Variants in CDCA4 observed in about 807,000 individuals in gnomAD.
The protein encoded by CDCA4 is cell division cycle-associated protein 4.
For synonymous variants in CDCA4, 130 were observed against 137.0 expected (o/e 0.95, Z 0.36); for missense variants, 294 against 322.1 (o/e 0.91, Z 0.67).
intron 1 of CDCA4, among the ~76,000 whole-genome samples, chr14:105,019,658 A>C (rs911549294): frequency 2.0e-5 from 3 of 152,222 alleles, no homozygotes; most frequent in African/African-American, 4.8e-5. Flanking sequence ...CTTCCACTAC[A>C]AGTCTCCTGG....
chr14:105,012,937 G>T (rs889136033), intron 1 of CDCA4, among the ~76,000 whole-genome samples: 1 of 152,066 alleles, frequency 6.6e-6, no homozygotes, highest in Non-Finnish European at 1.5e-5. Flanking sequence ...GTATGTGTGT[G>T]TCCGGGGCAG....
At chr14:105,017,987 GAC>G (rs1174517990) in intron 1 of CDCA4, among the ~76,000 whole-genome samples, 1 of 152,074 alleles carries the variant, frequency 6.6e-6, no homozygotes, top group Non-Finnish European at 1.5e-5. Context: ...AAAGCAGCAA[GAC>G]ACACACAAAA....
At chr14:105,015,456 T>C (rs895773731) in intron 1 of CDCA4, among the ~76,000 whole-genome samples, 1 of 152,262 alleles carries the variant, frequency 6.6e-6, no homozygotes, top group Admixed American at 6.5e-5. Flanking sequence ...TTACCTTCAG[T>C]AACGGGCCAG....
In CDCA4 at chr14:105,009,778, G is replaced by A. The variant is rs532954014; in HGVS notation, c.*1426C>T. The A allele has an allele frequency of 7.6e-5, 2 of 26,294 alleles. No individual in the cohort carries two copies. The highest frequency in any genetic ancestry group is 3.9e-4 in the Non-Finnish European group (2 of 5,108). 1.6% of individuals were successfully genotyped at this position (26,294 alleles called of 1,614,324 possible). A position where few individuals can be genotyped will look rare whatever the true frequency, so the allele number is the denominator to read the frequency against. On this transcript the variant is annotated 3_prime_UTR_variant, in exon 2 of 2. Transcript: ENST00000336219. ...AAAGAATTTGCTCTGCAACCCTGTG[G>A]GGGGGGGAAATAAAAGTAACCCAGC...
chr14:105,019,148 C>T (rs1336173925), intron 1 of CDCA4, among the ~76,000 whole-genome samples: 2 of 152,282 alleles, frequency 1.3e-5, no homozygotes, highest in South Asian at 2.1e-4. Flanking sequence ...CCAGCACTGC[C>T]CTCAGGCTTC....
Position 105,009,907 on chromosome 14 carries a change from C to T in CDCA4, c.*1297G>A, listed in dbSNP as rs1183676356. ...GCAGAAAGGTTGCTGGAGGGTCAGG[C>T]CGTGGTCGTAACTAACACCACATTC... On this transcript the variant is annotated 3_prime_UTR_variant, in exon 2 of 2. Transcript: ENST00000336219. 1.3e-5 allele frequency: 2 copies of T among 152,164 alleles called. No individual in the cohort carries two copies. The highest frequency in any genetic ancestry group is 2.9e-5 in the Non-Finnish European group (2 of 68,048). The allele number at this position is 152,164 out of a possible 1,614,324, so 9.4% of individuals were successfully genotyped here.
rs1213845262 is a variant in CDCA4 at position 105,009,623 on chromosome 14, T to C, written c.*1581A>G. 6.6e-6 allele frequency: 1 copy of C among 152,206 alleles called. No homozygotes were observed. Among genetic ancestry groups the C allele is most frequent in the Non-Finnish European group, 1.5e-5 (1 of 68,036 alleles). 9.4% of individuals were successfully genotyped at this position (152,206 alleles called of 1,614,324 possible). ...ATAAAAATGCTATACAGAAACAAAA[T>C]AGTGCTTTAGATTTATTCCTATAAA... is the stretch of plus-strand genomic sequence containing the variant. On this transcript the variant is annotated 3_prime_UTR_variant, in exon 2 of 2. Transcript: ENST00000336219.
At position 105,011,263 on chromosome 14, in the gene CDCA4, T is replaced by C; in HGVS notation, c.667A>G (p.Ser223Gly). 1 of 1,613,618 alleles carries C rather than the reference T, an allele frequency of 6.2e-7. No individual in the cohort carries two copies. Residue 223 changes from serine (S) to glycine (G), a missense_variant, in exon 2 of 2, where the codon AGC becomes GGC. Ser to Gly is a moderately conservative substitution (Grantham distance 56, BLOSUM62 0). Coordinates refer to ENST00000336219, the MANE Select transcript of CDCA4 (RefSeq NM_017955.4). ...AGCTCGCCCAGGTCGGACTTGCAGC[T>C]GGAGCTAGGGCCTGGGGTGGCCGGA... ...LAPATPGPSS[S>G]CKSDLGELDH...
At chr14:105,018,099 T>C (rs1439316019) in intron 1 of CDCA4, among the ~76,000 whole-genome samples, 1 of 151,722 alleles carries the variant, frequency 6.6e-6, no homozygotes, top group East Asian at 2.0e-4. Flanking sequence ...GGGTGGGAAA[T>C]GCTACAAGGG....
chr14:105,012,575 A>G (rs1900536135), intron 1 of CDCA4, among the ~76,000 whole-genome samples: 1 of 152,238 alleles, frequency 6.6e-6, no homozygotes, highest in South Asian at 2.1e-4. Context: ...GAAGGACTGC[A>G]GGGCTGTATG....
At chr14:105,017,657 C>T (rs1245254048) in intron 1 of CDCA4, among the ~76,000 whole-genome samples, 1 of 151,902 alleles carries the variant, frequency 6.6e-6, no homozygotes, top group Non-Finnish European at 1.5e-5. Flanking sequence ...CGATGAAACC[C>T]CATCTCTACT....
At chr14:105,019,032 G>C (rs1442668265) in intron 1 of CDCA4, among the ~76,000 whole-genome samples, 1 of 152,032 alleles carries the variant, frequency 6.6e-6, no homozygotes, top group African/African-American at 2.4e-5. Flanking sequence ...CACCATGCCT[G>C]GCCCCCTGCT....
In CDCA4 at chr14:105,011,814, T is replaced by G; in HGVS notation, c.116A>C (p.Asp39Ala). Residue 39 changes from aspartate (D) to alanine (A), a missense_variant, in exon 2 of 2, where the codon GAC becomes GCC. Physicochemically the swap from Asp to Ala is moderately radical, Grantham distance 126 (BLOSUM62 -2). Transcript: ENST00000336219. ...AAGCTGCAACTTCACCAGAGACATG[T>G]CCAGGAGCGACTGCCGCTGCAGGCT... is the stretch of plus-strand genomic sequence containing the variant. ...SYSLQRQSLLDMSLVKLQLCH... is the reference protein window; with the variant it reads ...SYSLQRQSLLAMSLVKLQLCH... The G allele has an allele frequency of 6.2e-7, 1 of 1,613,804 alleles. No homozygotes were observed.
At position 105,018,548 on chromosome 14, in the gene CDCA4, T is replaced by C. The variant is rs185421450; in HGVS notation, c.-7+2451A>G. ...GTGAGGATCACCCTGAATTGGGTTA[T>C]ATCTGTGTTTGGGACAAAGTCAGCA... On this transcript the variant is annotated intron_variant, in intron 1 of 1. Transcript: ENST00000336219. 6.6e-5 allele frequency among the ~76,000 whole-genome samples: 10 copies of C among 152,208 alleles called. No individual in the cohort carries two copies. In the East Asian group the frequency reaches 1.9e-3, roughly 30 times the overall value.
chr14:105,018,675 T>C (rs1886146435), intron 1 of CDCA4, among the ~76,000 whole-genome samples: 1 of 151,656 alleles, frequency 6.6e-6, no homozygotes, highest in Non-Finnish European at 1.5e-5. Context: ...CTCCTTCTAA[T>C]ATGGAATGAG....
intron 1 of CDCA4, among the ~76,000 whole-genome samples, chr14:105,014,981 G>C (rs1900605612): frequency 6.6e-6 from 1 of 152,086 alleles, no homozygotes; most frequent in Admixed American, 6.5e-5. Flanking sequence ...CATAATGTGG[G>C]GCCTACAGGA....
chr14:105,017,610 T>C (rs1407915588), intron 1 of CDCA4, among the ~76,000 whole-genome samples: 1 of 151,924 alleles, frequency 6.6e-6, no homozygotes, highest in Non-Finnish European at 1.5e-5. Flanking sequence ...GGCAGGCGGA[T>C]CACCAGGTCA....
intron 1 of CDCA4, among the ~76,000 whole-genome samples, chr14:105,019,717 T>TTTTG (rs1886177219): frequency 6.6e-6 from 1 of 151,914 alleles, no homozygotes; most frequent in African/African-American, 2.4e-5. Flanking sequence ...GTATTTGGTT[T>TTTTG]TTTTTGTTTT....
rs749696134 is a variant in CDCA4 at position 105,011,088 on chromosome 14, A to G, written c.*116T>C. ...GTAATGGGCTGTTCTGGGATTTCTC[A>G]GAATCAGCAGACAGGGCAGCAAGGC... On this transcript the variant is annotated 3_prime_UTR_variant, in exon 2 of 2. Transcript: ENST00000336219. 82 of 1,259,938 alleles carry G rather than the reference A, an allele frequency of 6.5e-5. No homozygotes were observed. Among genetic ancestry groups the G allele is most frequent in the Non-Finnish European group, 8.4e-5 (78 of 931,106 alleles). The allele number at this position is 1,259,938 out of a possible 1,614,324, so 78.0% of individuals were successfully genotyped here.
Sources: allele counts gnomAD v4.1 joint callset (sites outside exome capture counted in the v4.1 genomes callset), GRCh38; gene constraint gnomAD v4.1.1; transcripts MANE v1.5; gene names NCBI Gene and HGNC (gene_info 2026-07-23, HGNC 2026-07-21).